Variants in RGS12 observed in about 807,000 individuals in gnomAD.
RGS12 encodes regulator of G-protein signaling 12.
In RGS12, 66 loss-of-function variants were observed where a neutral mutation model predicts 120.1. That is an observed-to-expected ratio of 0.55 (90% CI 0.45 to 0.67). RGS12 has a LOEUF of 0.67. RGS12 is among the 30% of genes least tolerant of loss of function. The probability of loss-of-function intolerance (pLI) is 0.00; values close to 1 mark genes in which losing one functional copy is unlikely to be tolerated. For synonymous variants in RGS12, 827 were observed against 804.7 expected (o/e 1.03, Z -0.47); for missense variants, 1,859 against 1,957.7 (o/e 0.95, Z 0.95).
At chr4:3,321,697 A>T (rs1006737878) in intron 2 of RGS12, among the ~76,000 whole-genome samples, 1 of 152,200 alleles carries the variant, frequency 6.6e-6, no homozygotes, top group African/African-American at 2.4e-5. Context: ...CGGCCTGGAC[A>T]GCCACGTCAG....
intron 3 of RGS12, among the ~76,000 whole-genome samples, chr4:3,357,778 A>G: frequency 6.6e-6 from 1 of 152,186 alleles, no homozygotes; most frequent in East Asian, 1.9e-4. Flanking sequence ...CTTTGAAATC[A>G]GGAAGTACAA....
chr4:3,427,848 C>A (rs1179070632), intron 14 of RGS12, among the ~76,000 whole-genome samples: 1 of 152,234 alleles, frequency 6.6e-6, no homozygotes, highest in Non-Finnish European at 1.5e-5. Flanking sequence ...TTTTCAATTT[C>A]AACATCACTC....
chr4:3,406,605 T>C (rs1056224240), intron 4 of RGS12, among the ~76,000 whole-genome samples: 1 of 152,328 alleles, frequency 6.6e-6, no homozygotes, highest in East Asian at 1.9e-4. Context: ...GAGAGTGCAG[T>C]GTCCTAGAAA....
rs753090302 is a variant in RGS12, at chr4:3,316,711, G to A, written c.541G>A (p.Val181Ile). 4 of 1,614,190 alleles carry A rather than the reference G, an allele frequency of 2.5e-6. No homozygotes were observed. Among genetic ancestry groups the A allele is most frequent in the Non-Finnish European group, 3.4e-6 (4 of 1,180,032 alleles). The change falls in exon 2 of 18, where the codon GTT becomes ATT. Residue 181 changes from valine to isoleucine, a missense_variant. By Grantham distance (29) the Val-to-Ile change is conservative (BLOSUM62 3). Around this residue, in one of 3 missense-constraint regions of RGS12, gnomAD observed 967 missense variants for 994.2 expected, o/e 0.97. Coordinates refer to ENST00000336727, the MANE Select transcript of RGS12 (RefSeq NM_001394154.1). ...LSESAATRFD[V>I]GHESINNPNP... is the part of the protein sequence containing the mutation. ...AGAGTCGGCCGCAACTCGATTTGAT[G>A]TTGGACATGAAAGTATAAATAATCC...
chr4:3,436,281 G>C, intron 17 of RGS12, among the ~76,000 whole-genome samples: 1 of 152,130 alleles, frequency 6.6e-6, no homozygotes, highest in African/African-American at 2.4e-5. Context: ...ACAGTGGATT[G>C]TAGGGTCCCC....
intron 7 of RGS12, among the ~76,000 whole-genome samples, chr4:3,416,456 G>A (rs1056670443): frequency 1.3e-5 from 2 of 152,196 alleles, no homozygotes; most frequent in Non-Finnish European, 1.5e-5. Flanking sequence ...GTTTTGCATC[G>A]TAGGACATTG....
chr4:3,360,570 T>G (rs1715458589), intron 3 of RGS12, among the ~76,000 whole-genome samples: 1 of 152,222 alleles, frequency 6.6e-6, no homozygotes, highest in Non-Finnish European at 1.5e-5. Context: ...TGTTGTATTT[T>G]CATTTTAATT....
rs566102696 is a variant in RGS12 at position 3,370,302 on chromosome 4, A to T, written c.1999-16114A>T. The stretch of plus-strand genomic sequence containing the variant: ...GGGAAAGAGTTGTCAAACGAAACCC[A>T]TGTTTCTAATGACCAGCAGGTAAGT... On this transcript the variant is annotated intron_variant, in intron 3 of 17. Transcript: ENST00000336727. The T allele has an allele frequency of 1.4e-5, 22 of 1,614,172 alleles. No individual in the cohort carries two copies. In the East Asian group the frequency reaches 4.9e-4, roughly 36 times the overall value.
chr4:3,378,354 A>G (rs1271950057), intron 3 of RGS12: 1 of 152,236 alleles, frequency 6.6e-6, no homozygotes, highest in African/African-American at 2.4e-5. Flanking sequence ...AGTTTCGGCG[A>G]TGATTTTTTT....
At chr4:3,413,097 C>A (rs113851046) in intron 4 of RGS12, 13 of 11,834 alleles carry the variant, frequency 1.1e-3, no homozygotes, top group South Asian at 0.01. Context: ...GACGGGGGCG[C>A]CCCCACACTG....
chr4:3,417,694 A>C, intron 9 of RGS12, 153 bp downstream of exon 9: 1 of 747,840 alleles, frequency 1.3e-6, no homozygotes, highest in East Asian at 2.7e-5. Context: ...TGAATAAGGA[A>C]TGCCGCTGTG....
chr4:3,412,297 G>A (rs900643743), intron 4 of RGS12, among the ~76,000 whole-genome samples: 26 of 152,170 alleles, frequency 1.7e-4, no homozygotes, highest in African/African-American at 6.0e-4. Flanking sequence ...CTGGATTAGC[G>A]GGGCCCACGC....
At chr4:3,332,079 G>A (rs1026738083) in intron 2 of RGS12, among the ~76,000 whole-genome samples, 1 of 152,204 alleles carries the variant, frequency 6.6e-6, no homozygotes, top group East Asian at 1.9e-4. Context: ...GAGAAGCTGG[G>A]ATCACTAGGA....
intron 1 of RGS12, among the ~76,000 whole-genome samples, chr4:3,313,407 A>G (rs868058204): frequency 2.6e-5 from 4 of 152,318 alleles, no homozygotes; most frequent in African/African-American, 4.8e-5. Context: ...TTGTTGTGTG[A>G]CAGATGCTTT....
rs181075750 is a variant in RGS12, at chr4:3,433,824, G to A, written c.4114+2869G>A. ...GAGACCGAGACCATGCACCATGCAG[G>A]CTGGCCGGTGCCCCCATGCATGTCT... On this transcript the variant is annotated intron_variant, in intron 17 of 17. Coordinates refer to ENST00000336727, the MANE Select transcript of RGS12 (RefSeq NM_001394154.1). This position sits in a 1 kb window ranked among gnomAD's most constrained non-coding sequence, Gnocchi z 4.4. Among the ~76,000 whole-genome samples, 624 of 152,292 alleles carry A rather than the reference G, an allele frequency of 4.1e-3. 3 individuals are homozygous for A. Among genetic ancestry groups the A allele is most frequent in the Non-Finnish European group, 5.9e-3 (398 of 68,026 alleles).
At chr4:3,384,446 G>A (rs577832328) in intron 3 of RGS12, among the ~76,000 whole-genome samples, 1 of 152,304 alleles carries the variant, frequency 6.6e-6, no homozygotes, top group Non-Finnish European at 1.5e-5. Flanking sequence ...GAGCCACTGC[G>A]CCCAGCCTTC....
chr4:3,337,853 A>C (rs1712641152), intron 2 of RGS12, among the ~76,000 whole-genome samples: 1 of 152,190 alleles, frequency 6.6e-6, no homozygotes, highest in African/African-American at 2.4e-5. Context: ...TTTTAAAATC[A>C]GATTGAATAA....
At chr4:3,326,686 A>C (rs1725573110) in intron 2 of RGS12, among the ~76,000 whole-genome samples, 1 of 152,238 alleles carries the variant, frequency 6.6e-6, no homozygotes, top group African/African-American at 2.4e-5. Flanking sequence ...CTAGCTGAGA[A>C]AGAAATCAAG....
intron 2 of RGS12, among the ~76,000 whole-genome samples, chr4:3,338,010 G>C (rs752991641): frequency 1.3e-5 from 2 of 152,180 alleles, no homozygotes; most frequent in Non-Finnish European, 2.9e-5. Flanking sequence ...GCGTTGGAAT[G>C]GTTCTTACGC....
Sources: gnomAD v4.1 joint callset for allele counts (sites outside exome capture counted in the v4.1 genomes callset) on GRCh38, gnomAD v4.1.1 for gene constraint, gnomAD v4.1.1 regional missense constraint, Gnocchi (gnomAD v3.1) non-coding constraint, MANE v1.5 for transcripts, NCBI Gene and HGNC (gene_info 2026-07-23, HGNC 2026-07-21) for gene names.